The following GRIN3A variants were observed in gnomAD, a reference collection of about 807,000 sequenced individuals.
GRIN3A encodes the protein glutamate ionotropic receptor NMDA type subunit 3A, also known as glutamate receptor ionotropic, NMDA 3A.
In GRIN3A, 47 loss-of-function variants were observed where a neutral mutation model predicts 92.4. That is an observed-to-expected ratio of 0.51 (90% confidence interval 0.40 to 0.65). GRIN3A has a LOEUF of 0.65. Among genes scored for constraint, GRIN3A ranks in the 30% least tolerant of loss-of-function variants. GRIN3A has a pLI of 0.00. For synonymous variants in GRIN3A, 527 were observed against 540.6 expected (o/e 0.97, Z 0.35); for missense variants, 1,324 against 1,393.1 (o/e 0.95, Z 0.79).
chr9:101,573,399 C>G lies in GRIN3A; in HGVS notation c.3123G>C (p.Arg1041=), dbSNP rs1312446105. The change falls in exon 9 of 9, where the codon CGG becomes CGC. Residue 1041 remains arginine (R), a synonymous_variant. Transcript: ENST00000361820. ...DEEGQNQLGI[R]IHQDIPLPPR... is the part of the protein sequence containing the mutation. The stretch of plus-strand genomic sequence containing the variant: ...GAGGGAGGGGGATGTCCTGGTGGAT[C>G]CGGATGCCCAGCTGGTTTTGTCCTT... 6.2e-7 allele frequency: 1 copy of G among 1,613,920 alleles called. No individual in the cohort carries two copies. The highest frequency in any genetic ancestry group is 1.3e-5 in the African/African-American group (1 of 74,892).
chr9:101,570,724 C>G lies in GRIN3A; in HGVS notation c.*2450G>C, dbSNP rs1213023310. ...AGGGCGATCTGGCATGTGATCACCA[C>G]TGCTCAGAATGCCTCACTAGAGAAG... On this transcript the variant is annotated 3_prime_UTR_variant, in exon 9 of 9. Transcript: ENST00000361820. 1 of 152,630 alleles carries G rather than the reference C, an allele frequency of 6.6e-6. No homozygotes were observed. Among genetic ancestry groups the G allele is most frequent in the Non-Finnish European group, 1.5e-5 (1 of 68,048 alleles). The allele number at this position is 152,630 out of a possible 1,614,324, so 9.5% of individuals were successfully genotyped here. A position where few individuals can be genotyped will look rare whatever the true frequency, so the allele number is the denominator to read the frequency against.
rs936242134 is a variant in GRIN3A at position 101,737,512 on chromosome 9, T to C, written c.468A>G (p.Ala156=). The change falls in exon 1 of 9, where the codon GCA becomes GCG. Residue 156 remains alanine (A), a synonymous_variant. Transcript: ENST00000361820. The part of the protein sequence containing the change: ...LSLEVVMAIE[A]GLGDLPLLPF... ...GCAAAAGTGGCAGATCGCCCAGGCC[T>C]GCCTCGATGGCCATCACTACTTCCA... 3.1e-6 allele frequency: 5 copies of C among 1,614,118 alleles called. No individual in the cohort carries two copies. The African/African-American group carries it at 5.3e-5, about 17-fold the overall frequency.
rs558719873 is a variant in GRIN3A at position 101,738,362 on chromosome 9, G to A, written c.-383C>T. The A allele has an allele frequency of 2.8e-4, 78 of 281,248 alleles. No homozygotes were observed. The highest frequency in any genetic ancestry group is 1.7e-3 in the African/African-American group (73 of 43,316). The allele number at this position is 281,248 out of a possible 1,614,324, so 17.4% of individuals were successfully genotyped here. A position where few individuals can be genotyped will look rare whatever the true frequency, so the allele number is the denominator to read the frequency against. ...ATGAGAAGCAGCCGGAGTTCCTCGG[G>A]GGCAGCAGTGACAGAGGAGCGACGC... On this transcript the variant is annotated 5_prime_UTR_variant, in exon 1 of 9. Coordinates refer to ENST00000361820, the MANE Select transcript of GRIN3A (RefSeq NM_133445.3).
At chr9:101,716,261 G>A (rs1396867483) in intron 1 of GRIN3A, among the ~76,000 whole-genome samples, 1 of 152,132 alleles carries the variant, frequency 6.6e-6, no homozygotes, top group South Asian at 2.1e-4. Flanking sequence ...TTTTTGCCAT[G>A]AGATTGCTTT....
chr9:101,608,455 T>G (rs1050562338), intron 6 of GRIN3A, among the ~76,000 whole-genome samples: 130 of 152,216 alleles, frequency 8.5e-4, no homozygotes, highest in Non-Finnish European at 2.1e-4. Context: ...TTTAGATGCA[T>G]CATCTCAACA....
At chr9:101,689,889 G>T (rs2118984188) in intron 1 of GRIN3A, among the ~76,000 whole-genome samples, 1 of 152,270 alleles carries the variant, frequency 6.6e-6, no homozygotes, top group East Asian at 1.9e-4. Context: ...GAAAATCTGT[G>T]TCTTACATAT....
intron 2 of GRIN3A, among the ~76,000 whole-genome samples, chr9:101,677,719 T>C (rs994711436): frequency 1.3e-5 from 2 of 152,156 alleles, no homozygotes; most frequent in Non-Finnish European, 2.9e-5. Flanking sequence ...CTTCCTTTTA[T>C]GATAACATGA....
chr9:101,735,339 C>T (rs1830187441), intron 1 of GRIN3A, among the ~76,000 whole-genome samples: 2 of 151,820 alleles, frequency 1.3e-5, no homozygotes, highest in Non-Finnish European at 2.9e-5. Flanking sequence ...AATACAGAAA[C>T]AAATGTGCTT....
intron 3 of GRIN3A, among the ~76,000 whole-genome samples, chr9:101,636,920 G>A (rs1828792205): frequency 6.6e-6 from 1 of 152,144 alleles, no homozygotes; most frequent in South Asian, 2.1e-4. Context: ...TTCATAAAAG[G>A]TGAAAAAACA....
intron 1 of GRIN3A, among the ~76,000 whole-genome samples, chr9:101,698,771 C>T (rs1400653571): frequency 8.5e-5 from 13 of 152,168 alleles, no homozygotes; most frequent in African/African-American, 2.4e-4. Flanking sequence ...TGGGTTCAAG[C>T]GATTCTTCTG....
chr9:101,648,598 C>T (rs1428340448), intron 3 of GRIN3A, among the ~76,000 whole-genome samples: 2 of 152,082 alleles, frequency 1.3e-5, no homozygotes, highest in Non-Finnish European at 2.9e-5. Flanking sequence ...TAATCTCTCC[C>T]TTTAGTTCTA....
At position 101,650,637 on chromosome 9, in the gene GRIN3A, T is replaced by C. The variant is rs77734434; in HGVS notation, c.2352+19423A>G. Among the ~76,000 whole-genome samples the C allele has an allele frequency of 8.2e-3, 1,243 of 152,182 alleles. 8 individuals carry two copies. Among genetic ancestry groups the C allele is most frequent in the South Asian group, 0.023 (112 of 4,828 alleles). On this transcript the variant is annotated intron_variant, in intron 3 of 8. Coordinates refer to ENST00000361820, the MANE Select transcript of GRIN3A (RefSeq NM_133445.3). ...CTTTTTGTTGTATGCCGATATTTTATGGTTGTTTGTTTTGCAATATTATCA... is the reference window on the plus strand; with the variant it reads ...CTTTTTGTTGTATGCCGATATTTTACGGTTGTTTGTTTTGCAATATTATCA...
At chr9:101,656,588 T>C (rs1290381991) in intron 3 of GRIN3A, among the ~76,000 whole-genome samples, 2 of 151,866 alleles carry the variant, frequency 1.3e-5, no homozygotes, top group Non-Finnish European at 2.9e-5. Context: ...CACCTAGGGA[T>C]CTTGTTAAAA....
chr9:101,585,093 T>C (rs1305340238), intron 6 of GRIN3A, among the ~76,000 whole-genome samples: 1 of 152,168 alleles, frequency 6.6e-6, no homozygotes. Flanking sequence ...AATCAGACTT[T>C]TGTCCCCTCC....
At chr9:101,666,849 T>C (rs1829244304) in intron 3 of GRIN3A, among the ~76,000 whole-genome samples, 1 of 152,058 alleles carries the variant, frequency 6.6e-6, no homozygotes, top group Non-Finnish European at 1.5e-5. Context: ...TCACATCCTT[T>C]CTTCAGTGAC....
intron 3 of GRIN3A, among the ~76,000 whole-genome samples, chr9:101,640,875 A>T (rs1828849695): frequency 6.6e-6 from 1 of 152,148 alleles, no homozygotes; most frequent in Non-Finnish European, 1.5e-5. Flanking sequence ...GTTGAGCTGT[A>T]AGTACATTAA....
At chr9:101,586,641 T>G (rs189199010) in intron 6 of GRIN3A, among the ~76,000 whole-genome samples, 95 of 152,336 alleles carry the variant, frequency 6.2e-4, no homozygotes, top group African/African-American at 2.2e-3. Flanking sequence ...AGTAAAACAC[T>G]GGAAACTGAA....
At chr9:101,624,209 AT>A (rs968716798) in intron 4 of GRIN3A, among the ~76,000 whole-genome samples, 6 of 151,118 alleles carry the variant, frequency 4.0e-5, no homozygotes, top group African/African-American at 9.8e-5. Flanking sequence ...TTTTTTAAAA[AT>A]TTTTTTTATT....
chr9:101,697,158 T>G (rs1489306577), intron 1 of GRIN3A, among the ~76,000 whole-genome samples: 1 of 152,168 alleles, frequency 6.6e-6, no homozygotes, highest in Non-Finnish European at 1.5e-5. Flanking sequence ...AGTATTAGTA[T>G]AACATTAAGC....
Sources: gnomAD v4.1 joint callset for allele counts (sites outside exome capture counted in the v4.1 genomes callset) on GRCh38, gnomAD v4.1.1 for gene constraint, MANE v1.5 for transcripts, NCBI Gene and HGNC (gene_info 2026-07-23, HGNC 2026-07-21) for gene names.